Variants in DUSP16 observed in about 807,000 individuals in gnomAD.
DUSP16 encodes the protein dual specificity protein phosphatase 16.
In DUSP16, 21 loss-of-function variants were observed where a neutral mutation model predicts 58.3. The observed-to-expected ratio is 0.36, with a 90% CI of 0.26 to 0.52. The LOEUF is 0.52. DUSP16 is among the 20% of genes least tolerant of loss of function. The pLI, the probability that DUSP16 is intolerant of heterozygous loss-of-function variation, is 0.94. For synonymous variants in DUSP16, 320 were observed against 323.8 expected, an observed-to-expected ratio of 0.99 and a Z score of 0.12; for missense variants, 726 against 819.0, an observed-to-expected ratio of 0.89 and a Z score of 1.39.
intron 1 of DUSP16, chr12:12,560,966 A>G (rs1432330714): frequency 4.6e-5 from 7 of 152,002 alleles, no homozygotes; most frequent in Admixed American, 4.6e-4. Context: ...ACACACACAC[A>G]GAGGCGGAAA....
Position 12,475,356 on chromosome 12 carries a change from T to G in DUSP16, c.*1477A>C, listed in dbSNP as rs1045159388. 6.6e-6 allele frequency: 1 copy of G among 152,132 alleles called. No homozygotes were observed. Among genetic ancestry groups the G allele is most frequent in the Admixed American group, 6.6e-5 (1 of 15,254 alleles). 9.4% of individuals were successfully genotyped at this position (152,132 alleles called of 1,614,324 possible). ...TGCACTATCACTTGTTCCAGTGACC[T>G]CCTATGTTCAGCTGCCAGGACCGAT... On this transcript the variant is annotated 3_prime_UTR_variant, in exon 7 of 7. Transcript: ENST00000298573.
rs1020355437 is a variant in DUSP16 at position 12,476,251 on chromosome 12, G to C, written c.*582C>G. The C allele has an allele frequency of 4.6e-5, 7 of 152,700 alleles. No homozygotes were observed. Among genetic ancestry groups the C allele is most frequent in the African/African-American group, 1.7e-4 (7 of 41,442 alleles). The allele number at this position is 152,700 out of a possible 1,614,324, so 9.5% of individuals were successfully genotyped here. ...GTCTGAGGTACTGGGTTTGCTCTAAGGTAGACCTTGGCAAGGCCCCTAATG... is the reference window on the plus strand; with the variant it reads ...GTCTGAGGTACTGGGTTTGCTCTAACGTAGACCTTGGCAAGGCCCCTAATG... On this transcript the variant is annotated 3_prime_UTR_variant, in exon 7 of 7. Coordinates refer to ENST00000298573, the MANE Select transcript of DUSP16 (RefSeq NM_030640.3).
intron 4 of DUSP16, among the ~76,000 whole-genome samples, chr12:12,488,487 A>G (rs2136199318): frequency 6.6e-6 from 1 of 152,272 alleles, no homozygotes; most frequent in East Asian, 1.9e-4. Flanking sequence ...ACTCAAAACA[A>G]TCTGTTCAAC....
intron 3 of DUSP16, among the ~76,000 whole-genome samples, chr12:12,503,102 C>T (rs1454925849): frequency 6.6e-6 from 1 of 151,946 alleles, no homozygotes; most frequent in Non-Finnish European, 1.5e-5. Context: ...ATTTCCTCAT[C>T]TATAAAATGA....
rs978444734 is a variant in DUSP16, at chr12:12,500,636, T to C, written c.414A>G (p.Gly138=). ...TGCAGGTAGGGACTAGAGTGGATTT[T>C]CCTTCACAGAGGCCAGGGAAACAAC... ...FSRCFPGLCE[G]KSTLVPTCIS... The change falls in exon 4 of 7, where the codon GGA becomes GGG. Residue 138 remains glycine, a synonymous_variant. Transcript: ENST00000298573. The C allele has an allele frequency of 2.5e-6, 4 of 1,607,338 alleles. No homozygotes were observed. The highest frequency in any genetic ancestry group is 3.4e-6 in the Non-Finnish European group (4 of 1,177,198).
chr12:12,538,784 G>A (rs1441448184), intron 1 of DUSP16, among the ~76,000 whole-genome samples: 1 of 152,176 alleles, frequency 6.6e-6, no homozygotes, highest in Admixed American at 6.5e-5. Context: ...CGAAGCAAAT[G>A]CTTGTCAACT....
chr12:12,520,441 C>A lies in DUSP16; in HGVS notation c.228+430G>T, dbSNP rs371046117. On this transcript the variant is annotated intron_variant, in intron 2 of 6. Transcript: ENST00000298573. ...ACCACACAGACAACATTTTAGTATC[C>A]CAGGAATAACTTCCCTTGAAGATAT... Among the ~76,000 whole-genome samples the A allele has an allele frequency of 1.4e-4, 21 of 152,076 alleles. 1 individual carries two copies. The East Asian group carries it at 1.5e-3, about 11-fold the overall frequency.
intron 1 of DUSP16, chr12:12,554,413 A>G (rs1944778475): frequency 6.6e-6 from 1 of 152,060 alleles, no homozygotes; most frequent in Non-Finnish European, 1.5e-5. Flanking sequence ...CCAACCCAAC[A>G]ACACAATTTT....
At chr12:12,516,435 T>A (rs1944155563) in intron 3 of DUSP16, among the ~76,000 whole-genome samples, 1 of 152,260 alleles carries the variant, frequency 6.6e-6, no homozygotes, top group South Asian at 2.1e-4. Flanking sequence ...AATACAATAA[T>A]TATTCTGACT....
Position 12,554,066 on chromosome 12 carries a change from G to A in DUSP16, c.-366+8051C>T, listed in dbSNP as rs1944772560. 2.0e-5 allele frequency among the ~76,000 whole-genome samples: 3 copies of A among 151,652 alleles called. No individual in the cohort carries two copies. In the South Asian group the frequency reaches 6.2e-4, roughly 32 times the overall value. On this transcript the variant is annotated intron_variant, in intron 1 of 6. Transcript: ENST00000298573. ...TACAAAAATTAGCTGGTGTGGTGGTGCACGCCTGTAATCCCAGCTACTTGG... is the reference window on the plus strand; with the variant it reads ...TACAAAAATTAGCTGGTGTGGTGGTACACGCCTGTAATCCCAGCTACTTGG...
rs753231176 is a variant in DUSP16, at chr12:12,477,142, G to A, written c.1689C>T (p.Ser563=). ...TGGCTGAGGCAGAGTAGAAGTGTGA[G>A]GACTCTGTGGCAAAATACCAGCTGC... The part of the protein sequence containing the change: ...LTSSWYFATE[S]SHFYSASAIY... Residue 563 remains serine, a synonymous_variant, in exon 7 of 7, where the codon TCC becomes TCT. Transcript: ENST00000298573. The surrounding 1 kb of genome is among the most constrained non-coding windows in gnomAD (Gnocchi z 4.1). 3.1e-6 allele frequency: 5 copies of A among 1,614,216 alleles called. No individual in the cohort carries two copies. In the South Asian group the frequency reaches 5.5e-5, roughly 18 times the overall value.
chr12:12,519,388 G>C (rs1944197669), intron 3 of DUSP16, among the ~76,000 whole-genome samples: 1 of 152,130 alleles, frequency 6.6e-6, no homozygotes, highest in Non-Finnish European at 1.5e-5. Flanking sequence ...CTATTTCATT[G>C]TTTATAATGC....
chr12:12,521,113 C>T lies in DUSP16; in HGVS notation c.-15G>A. 6.2e-7 allele frequency: 1 copy of T among 1,612,650 alleles called. No homozygotes were observed. Among genetic ancestry groups the T allele is most frequent in the Non-Finnish European group, 8.5e-7 (1 of 1,179,252 alleles). ...TCATGGGCCATGACAACAATAAGTC[C>T]TCTTTTCCCACCTCCTTCTTTAATT... is the stretch of plus-strand genomic sequence containing the variant. On this transcript the variant is annotated 5_prime_UTR_variant, in exon 2 of 7. Transcript: ENST00000298573.
At chr12:12,554,600 G>A (rs989488052) in intron 1 of DUSP16, 1 of 152,016 alleles carries the variant, frequency 6.6e-6, no homozygotes, top group East Asian at 1.9e-4. Flanking sequence ...TCCCACTTCT[G>A]TGTGTTTGTG....
chr12:12,554,661 T>C (rs1427075321), intron 1 of DUSP16: 1 of 149,832 alleles, frequency 6.7e-6, no homozygotes, highest in African/African-American at 2.5e-5. Flanking sequence ...TTATTCTGCC[T>C]GTAAGTACAT....
intron 4 of DUSP16, among the ~76,000 whole-genome samples, chr12:12,497,332 T>C (rs894275563): frequency 2.0e-5 from 3 of 152,202 alleles, no homozygotes; most frequent in Admixed American, 6.5e-5. Context: ...AATTCTCCAT[T>C]GTGACTCAAT....
chr12:12,486,925 A>AAAT (rs1290965299), intron 5 of DUSP16, 103 bp downstream of exon 5: 1 of 1,386,978 alleles, frequency 7.2e-7, no homozygotes, highest in African/African-American at 1.4e-5. Flanking sequence ...GAAATCTCTG[A>AAAT]AATAGGCTCC....
intron 3 of DUSP16, among the ~76,000 whole-genome samples, chr12:12,505,478 G>A (rs1943979720): frequency 6.6e-6 from 1 of 152,236 alleles, no homozygotes; most frequent in Non-Finnish European, 1.5e-5. Flanking sequence ...GTTTACAGAT[G>A]AACTGGTTGA....
Position 12,562,581 on chromosome 12 carries a change from T to C in DUSP16, c.-830A>G, listed in dbSNP as rs1223580714. Among the ~76,000 whole-genome samples the C allele has an allele frequency of 8.6e-6, 1 of 115,828 alleles. No homozygotes were observed. 76.0% of individuals were successfully genotyped at this position (115,828 alleles called of 152,430 possible). On this transcript the variant is annotated 5_prime_UTR_variant, in exon 1 of 7. Transcript: ENST00000298573. ...AAAGGCGGGGGGGTGGGGTGGGGGG[T>C]TGGGGGAAAGAGAAAGAGTCGCTGG...
Sources: allele counts gnomAD v4.1 joint callset (sites outside exome capture counted in the v4.1 genomes callset), GRCh38; gene constraint gnomAD v4.1.1; non-coding constraint Gnocchi (gnomAD v3.1); transcripts MANE v1.5; gene names NCBI Gene and HGNC (gene_info 2026-07-23, HGNC 2026-07-21).